Variants in ILKAP observed in about 807,000 individuals in gnomAD.
The protein encoded by ILKAP is ILK associated serine/threonine phosphatase, also known as integrin-linked kinase-associated serine/threonine phosphatase 2C.
A neutral mutation model predicts 49.1 loss-of-function variants in ILKAP; 11 were observed. The observed-to-expected ratio is 0.22, with a 90% CI of 0.14 to 0.37. The LOEUF is 0.37. Among genes scored for constraint, ILKAP ranks in the 10% least tolerant of loss-of-function variants. The pLI is 1.00. For missense variants in ILKAP, 363 were observed against 510.8 expected (o/e 0.71, Z 2.79); for synonymous variants, 186 against 192.8 (o/e 0.96, Z 0.29).
chr2:238,201,585 T>C (rs1694570272), intron 1 of ILKAP, among the ~76,000 whole-genome samples: 1 of 152,208 alleles, frequency 6.6e-6, no homozygotes. Flanking sequence ...GGATGTACCT[T>C]TCCCACTGTA....
chr2:238,170,613 T>G lies in ILKAP; in HGVS notation c.1102A>C (p.Asn368His). 6.2e-7 allele frequency: 1 copy of G among 1,606,986 alleles called. No individual in the cohort carries two copies. Among genetic ancestry groups the G allele is most frequent in the Non-Finnish European group, 8.5e-7 (1 of 1,174,320 alleles). The change falls in exon 12 of 12, where the codon AAC (asparagine) becomes CAC (histidine). Residue 368 changes from asparagine to histidine, a missense_variant. Transcript: ENST00000254654. ...AADARYEAAC[N>H]RLANKAVQRG... ...TGCACCGCCTTGTTGGCCAGCCTGT[T>G]GCAGGCTGCTTCGTAGCGGGCGTCG...
chr2:238,200,110 C>G (rs1390917648), intron 1 of ILKAP, among the ~76,000 whole-genome samples: 1 of 152,200 alleles, frequency 6.6e-6, no homozygotes, highest in Non-Finnish European at 1.5e-5. Flanking sequence ...CATGGATTGT[C>G]AATATAAGCT....
At chr2:238,171,095 G>T in intron 10 of ILKAP, 71 bp from the exon 11 acceptor site, 1 of 958,758 alleles carries the variant, frequency 1.0e-6, no homozygotes, top group Non-Finnish European at 1.6e-6. Context: ...AAAAGGGCCT[G>T]GAGATGGAGA....
chr2:238,176,135 CT>C (rs55849458), intron 9 of ILKAP, among the ~76,000 whole-genome samples: 16 of 98,002 alleles, frequency 1.6e-4, no homozygotes, highest in South Asian at 1.3e-3. Context: ...CAAGTAGTGG[CT>C]TTTTTTTTTT....
chr2:238,191,742 T>C (rs771929454), intron 3 of ILKAP, among the ~76,000 whole-genome samples: 6 of 151,916 alleles, frequency 3.9e-5, no homozygotes, highest in Non-Finnish European at 7.4e-5. Context: ...ACCCGGTCTC[T>C]AATTAAAATA....
At chr2:238,190,234 G>A (rs1199313657) in intron 3 of ILKAP, among the ~76,000 whole-genome samples, 2 of 152,032 alleles carry the variant, frequency 1.3e-5, no homozygotes, top group Non-Finnish European at 2.9e-5. Context: ...TTTTCCCAGT[G>A]GTAAAAATAC....
chr2:238,203,290 C>T (rs1352958998), intron 1 of ILKAP, among the ~76,000 whole-genome samples: 5 of 150,734 alleles, frequency 3.3e-5, no homozygotes, highest in Admixed American at 2.6e-4. Context: ...AATGGCGGAG[C>T]GGCCTCTCCG....
At chr2:238,176,529 A>C (rs755298278) in intron 9 of ILKAP, among the ~76,000 whole-genome samples, 2 of 152,048 alleles carry the variant, frequency 1.3e-5, no homozygotes, top group East Asian at 3.9e-4. Context: ...CACACTTCCA[A>C]CTTTTGCTTT....
At chr2:238,191,604 C>A (rs2106338081) in intron 3 of ILKAP, among the ~76,000 whole-genome samples, 1 of 152,306 alleles carries the variant, frequency 6.6e-6, no homozygotes, top group South Asian at 2.1e-4. Context: ...AAACTTTCTT[C>A]CTTTAAAATT....
chr2:238,199,907 G>C (rs888346267), intron 1 of ILKAP, among the ~76,000 whole-genome samples: 1 of 151,890 alleles, frequency 6.6e-6, no homozygotes, highest in Non-Finnish European at 1.5e-5. Flanking sequence ...GCGCCATCGA[G>C]CCCAGCCTCC....
intron 9 of ILKAP, 192 bp from the exon 10 acceptor site, chr2:238,173,845 G>A (rs867217880): frequency 5.8e-6 from 4 of 687,594 alleles, no homozygotes; most frequent in African/African-American, 3.6e-5. Context: ...GCTGCCCTGG[G>A]GTAGGGACCC....
intron 6 of ILKAP, 58 bp from the exon 7 acceptor site, chr2:238,184,171 CCACT>C (rs1218649162): frequency 5.3e-6 from 5 of 943,932 alleles, no homozygotes; most frequent in Admixed American, 1.8e-5. Flanking sequence ...TATCCTCCTC[CCACT>C]GTCATTTTGG....
At chr2:238,182,274 T>A in intron 8 of ILKAP, 88 bp from the exon 9 acceptor site, 1 of 1,489,182 alleles carries the variant, frequency 6.7e-7, no homozygotes, top group Non-Finnish European at 9.2e-7. Context: ...AACAATGGAG[T>A]TTGAAGAAAA....
intron 5 of ILKAP, chr2:238,186,877 G>C (rs1015454627): frequency 2.6e-5 from 4 of 152,196 alleles, no homozygotes; most frequent in Non-Finnish European, 2.9e-5. Context: ...TTATTTGCAA[G>C]GCATGATGTA....
rs574018524 is a variant in ILKAP at position 238,194,951 on chromosome 2, C to T, written c.56-81G>A. ...TCAAAGAGGAAGATCATGTGGTCTC[C>T]CCTGCTTTGACACAAGTTTGCTATT... On this transcript the variant is annotated intron_variant, in intron 1 of 11. Transcript: ENST00000254654. 2.9e-5 allele frequency: 33 copies of T among 1,147,764 alleles called. No homozygotes were observed. In the East Asian group the frequency reaches 7.6e-4, roughly 26 times the overall value. The allele number at this position is 1,147,764 out of a possible 1,614,324, so 71.1% of individuals were successfully genotyped here.
At chr2:238,172,974 T>A (rs914838493) in intron 10 of ILKAP, among the ~76,000 whole-genome samples, 2 of 152,184 alleles carry the variant, frequency 1.3e-5, no homozygotes, top group Non-Finnish European at 2.9e-5. Flanking sequence ...CACGGTGCCG[T>A]ACCCTTAGGC....
At chr2:238,196,043 C>CAA (rs71043116) in intron 1 of ILKAP, among the ~76,000 whole-genome samples, 5,628 of 67,772 alleles carry the variant, frequency 0.083, 690 homozygotes, top group African/African-American at 0.22. Context: ...GACTCTGTCA[C>CAA]AAAAAAAAAA....
intron 9 of ILKAP, among the ~76,000 whole-genome samples, chr2:238,180,098 G>A (rs1357167162): frequency 3.3e-5 from 5 of 151,916 alleles, no homozygotes; most frequent in Non-Finnish European, 7.4e-5. Flanking sequence ...TTCAACCTCA[G>A]AGGTCAAGGC....
At chr2:238,190,911 C>T (rs1486343321) in intron 3 of ILKAP, among the ~76,000 whole-genome samples, 1 of 139,710 alleles carries the variant, frequency 7.2e-6, no homozygotes, top group Non-Finnish European at 1.5e-5. Flanking sequence ...AAAAAGGATG[C>T]AAGTACTTAT....
Sources: gnomAD v4.1 joint callset for allele counts (sites outside exome capture counted in the v4.1 genomes callset) on GRCh38, gnomAD v4.1.1 for gene constraint, MANE v1.5 for transcripts, NCBI Gene and HGNC (gene_info 2026-07-23, HGNC 2026-07-21) for gene names.